Variants in LCORL observed in about 807,000 individuals in gnomAD.
LCORL encodes the protein ligand-dependent nuclear receptor corepressor-like protein.
Under a neutral mutation model 141.8 loss-of-function variants are expected in LCORL, and 41 were observed. The observed-to-expected ratio is 0.29, with a 90% CI of 0.23 to 0.38. The LOEUF (loss-of-function observed/expected upper bound fraction) is 0.38, where lower values mean the gene tolerates loss of function less well. Ranked by LOEUF, LCORL falls within the 10% of genes least tolerant of loss-of-function variation. The probability of loss-of-function intolerance (pLI) is 1.00; values close to 1 mark genes in which losing one functional copy is unlikely to be tolerated. For missense variants in LCORL, 1,759 were observed against 2,035.0 expected, an observed-to-expected ratio of 0.86 and a Z score of 2.61; for synonymous variants, 618 against 694.1, an observed-to-expected ratio of 0.89 and a Z score of 1.72.
intron 5 of LCORL, among the ~76,000 whole-genome samples, chr4:17,889,288 G>A (rs1728736894): frequency 6.6e-6 from 1 of 152,024 alleles, no homozygotes; most frequent in African/African-American, 2.4e-5. Context: ...TGACCCTATT[G>A]AGAAATGCTT....
At chr4:17,854,150 G>A (rs531389661) in intron 7 of LCORL, among the ~76,000 whole-genome samples, 5 of 152,212 alleles carry the variant, frequency 3.3e-5, no homozygotes, top group South Asian at 2.1e-4. Context: ...TGTAGAGCTC[G>A]AGTTCTGATC....
At chr4:17,965,273 G>A (rs1714643812) in intron 2 of LCORL, among the ~76,000 whole-genome samples, 1 of 151,964 alleles carries the variant, frequency 6.6e-6, no homozygotes, top group Non-Finnish European at 1.5e-5. Context: ...CCAAACAAAT[G>A]ATGTTTGGTG....
exon 7 of LCORL, chr4:17,877,019 G>A: frequency 8.1e-7 from 1 of 1,230,558 alleles, no homozygotes; most frequent in Non-Finnish European, 1.0e-6. Context: ...ATATCTCATT[G>A]TTTTGTGTCA....
intron 4 of LCORL, among the ~76,000 whole-genome samples, chr4:17,956,092 A>G (rs1056752120): frequency 7.9e-5 from 12 of 152,188 alleles, no homozygotes; most frequent in African/African-American, 2.7e-4. Context: ...AATAAATGCA[A>G]TTCAAAACCA....
chr4:17,998,614 T>G (rs897944082), intron 1 of LCORL, among the ~76,000 whole-genome samples: 2 of 152,104 alleles, frequency 1.3e-5, no homozygotes, highest in Non-Finnish European at 2.9e-5. Context: ...ATGATAACAA[T>G]GCCTTCTTCT....
At chr4:18,004,195 C>G (rs1370238491) in intron 1 of LCORL, among the ~76,000 whole-genome samples, 1 of 152,112 alleles carries the variant, frequency 6.6e-6, no homozygotes, top group Non-Finnish European at 1.5e-5. Flanking sequence ...TATACTGACT[C>G]CACCTACCAC....
chr4:17,963,282 T>C (rs1468221878), intron 2 of LCORL, among the ~76,000 whole-genome samples: 1 of 152,040 alleles, frequency 6.6e-6, no homozygotes, highest in African/African-American at 2.4e-5. Flanking sequence ...GAGCTGGTTA[T>C]AAATTAACAA....
chr4:18,010,200 A>T (rs1001834778), intron 1 of LCORL, among the ~76,000 whole-genome samples: 1 of 151,974 alleles, frequency 6.6e-6, no homozygotes, highest in East Asian at 1.9e-4. Flanking sequence ...TATAATACAG[A>T]AGAGAGCACT....
chr4:17,975,907 C>A (rs1716865801), intron 1 of LCORL, among the ~76,000 whole-genome samples: 1 of 152,052 alleles, frequency 6.6e-6, no homozygotes, highest in African/African-American at 2.4e-5. Context: ...TTCTTTGGGT[C>A]TTTTATCTCT....
In LCORL at chr4:17,917,109, G is replaced by C. The variant is rs193143641; in HGVS notation, c.431-7764C>G. 1.2e-3 allele frequency among the ~76,000 whole-genome samples: 175 copies of C among 152,148 alleles called. 1 individual carries two copies. Among genetic ancestry groups the C allele is most frequent in the South Asian group, 2.3e-3 (11 of 4,814 alleles). On this transcript the variant is annotated intron_variant, in intron 4 of 7. Transcript: ENST00000635767. ...CCTGCCTCAGCCTCCTGAGTAGCTG[G>C]GATTACAGACATGTGCTACTGCGCC...
intron 4 of LCORL, among the ~76,000 whole-genome samples, chr4:17,954,152 G>T (rs1712081737): frequency 2.0e-5 from 3 of 152,096 alleles, no homozygotes; most frequent in Admixed American, 2.0e-4. Context: ...AACAGAACGA[G>T]ACTCCATCTC....
At chr4:18,004,927 CTT>C (rs553420080) in intron 1 of LCORL, among the ~76,000 whole-genome samples, 10 of 142,962 alleles carry the variant, frequency 7.0e-5, no homozygotes, top group African/African-American at 7.7e-5. Flanking sequence ...GCAGTCAAAG[CTT>C]TTTTTTTTTT....
intron 6 of LCORL, chr4:17,881,672 A>G: frequency 1.0e-6 from 1 of 953,066 alleles, no homozygotes; most frequent in Non-Finnish European, 1.2e-6. Flanking sequence ...TCCCTTTACT[A>G]TAAACTTCTC....
At chr4:17,968,130 T>C (rs1715270734) in intron 2 of LCORL, among the ~76,000 whole-genome samples, 2 of 152,124 alleles carry the variant, frequency 1.3e-5, no homozygotes, top group Admixed American at 1.3e-4. Flanking sequence ...AATGCTGAGA[T>C]TATAGGTGTG....
intron 1 of LCORL, among the ~76,000 whole-genome samples, chr4:18,004,310 G>C (rs1722444623): frequency 6.6e-6 from 1 of 152,168 alleles, no homozygotes; most frequent in South Asian, 2.1e-4. Context: ...ACATATCCAA[G>C]ACTGGGCAAT....
At chr4:17,842,915 CTA>C in exon 8 of LCORL, 1 of 161,110 alleles carries the variant, frequency 6.2e-6, no homozygotes, top group Non-Finnish European at 1.4e-5. Flanking sequence ...TTGTTTTTTA[CTA>C]TGTTTTTGGA....
chr4:17,895,152 T>G (rs1461830256), intron 5 of LCORL, among the ~76,000 whole-genome samples: 1 of 152,090 alleles, frequency 6.6e-6, no homozygotes, highest in Admixed American at 6.6e-5. Context: ...CATATTCACC[T>G]CAAACACTTG....
intron 1 of LCORL, among the ~76,000 whole-genome samples, chr4:17,984,131 G>C (rs568081804): frequency 6.6e-6 from 1 of 152,262 alleles, no homozygotes; most frequent in African/African-American, 2.4e-5. Context: ...CCTGATAGTG[G>C]TGTATTAGCT....
chr4:17,846,303 C>G (rs553572021), intron 7 of LCORL, among the ~76,000 whole-genome samples: 13 of 152,268 alleles, frequency 8.5e-5, no homozygotes, highest in Middle Eastern at 3.4e-3. Flanking sequence ...TAGCCACCTT[C>G]ACATGTATTG....
Sources: gnomAD v4.1 joint callset for allele counts (sites outside exome capture counted in the v4.1 genomes callset) on GRCh38, gnomAD v4.1.1 for gene constraint, MANE v1.5 for transcripts, NCBI Gene and HGNC (gene_info 2026-07-23, HGNC 2026-07-21) for gene names.